The following SMAP2 variants were observed in gnomAD, a reference collection of about 807,000 sequenced individuals.
The protein encoded by SMAP2 is stromal membrane-associated protein 2.
A neutral mutation model predicts 56.4 loss-of-function variants in SMAP2; 25 were observed. That is an observed-to-expected ratio of 0.44 (90% CI 0.32 to 0.62). The LOEUF (loss-of-function observed/expected upper bound fraction) is 0.62, where lower values mean the gene tolerates loss of function less well. Ranked by LOEUF, SMAP2 falls within the 20% of genes least tolerant of loss-of-function variation. The pLI is 0.04. For synonymous variants in SMAP2, 157 were observed against 181.7 expected (o/e 0.86, Z 1.09); for missense variants, 388 against 545.6 (o/e 0.71, Z 2.88).
rs544898135 is a variant in SMAP2, at chr1:40,364,907, C to T, written c.55+2471C>T. 7 of 220,136 alleles carry T rather than the reference C, an allele frequency of 3.2e-5. No homozygotes were observed. In the East Asian group the frequency reaches 5.1e-4, roughly 16 times the overall value. The allele number at this position is 220,136 out of a possible 1,614,324, so 13.6% of individuals were successfully genotyped here. On this transcript the variant is annotated intron_variant, in intron 2 of 6. Coordinates refer to the SMAP2 transcript ENST00000435168. ...AAGCAGATCCCATGAATCCTTGGCCCAGGCCTAAATAAGGTGGGTAAGTTC... is the reference window on the plus strand; with the variant it reads ...AAGCAGATCCCATGAATCCTTGGCCTAGGCCTAAATAAGGTGGGTAAGTTC...
chr1:40,361,504 C>A (rs1254443990), intron 1 of SMAP2, among the ~76,000 whole-genome samples: 1 of 152,056 alleles, frequency 6.6e-6, no homozygotes, highest in East Asian at 1.9e-4. Context: ...AGCTTAGGTA[C>A]CAGATTGACC....
Position 40,408,658 on chromosome 1 carries a change from G to A in SMAP2, c.243G>A (p.Met81Ile), listed in dbSNP as rs888784805. Residue 81 changes from methionine to isoleucine, a missense_variant, in exon 3 of 10, where the codon ATG becomes ATA. By Grantham distance (10) the Met-to-Ile change is conservative (BLOSUM62 1). Transcript: ENST00000372718. The surrounding 1 kb of genome is among the most constrained non-coding windows in gnomAD (Gnocchi z 4.3). ...DQWTQEQIQC[M>I]QEMGNGKANR... Reference sequence around the variant, plus strand: ...TACATTCTCTTTGGTCACAGTGCATGCAAGAGATGGGAAATGGAAAGGCAA... The same window carrying A: ...TACATTCTCTTTGGTCACAGTGCATACAAGAGATGGGAAATGGAAAGGCAA... 6.2e-7 allele frequency: 1 copy of A among 1,613,434 alleles called. No individual in the cohort carries two copies. Among genetic ancestry groups the A allele is most frequent in the African/African-American group, 1.3e-5 (1 of 74,912 alleles).
intron 1 of SMAP2, among the ~76,000 whole-genome samples, chr1:40,381,364 C>T (rs1644596226): frequency 6.6e-6 from 1 of 152,098 alleles, no homozygotes; most frequent in Non-Finnish European, 1.5e-5. Flanking sequence ...GCATGGTATA[C>T]AGGGAGAAAT....
intron 1 of SMAP2, chr1:40,393,443 T>A: frequency 6.5e-7 from 1 of 1,535,482 alleles, no homozygotes; most frequent in Non-Finnish European, 8.7e-7. Context: ...GAGCAAGATT[T>A]GCACAAAAAG....
chr1:40,393,475 T>G (rs1168255368), intron 1 of SMAP2: 1 of 1,532,334 alleles, frequency 6.5e-7, no homozygotes, highest in East Asian at 2.5e-5. Flanking sequence ...ATAGAGGAAA[T>G]AGGCCCTGTA....
chr1:40,422,262 A>G lies in SMAP2; in HGVS notation c.*161A>G, dbSNP rs1645051127. On this transcript the variant is annotated 3_prime_UTR_variant, in exon 10 of 10. Coordinates refer to ENST00000372718, the MANE Select transcript of SMAP2 (RefSeq NM_022733.3). ...TGGCATCCTGCCCAGCCACTTCCCA[A>G]ACATGAAGACCTCTCTGTTGCTTTA... 3 of 916,080 alleles carry G rather than the reference A, an allele frequency of 3.3e-6. No homozygotes were observed. Among genetic ancestry groups the G allele is most frequent in the Non-Finnish European group, 4.9e-6 (3 of 614,028 alleles). The allele number at this position is 916,080 out of a possible 1,614,324, so 56.7% of individuals were successfully genotyped here. A position where few individuals can be genotyped will look rare whatever the true frequency, so the allele number is the denominator to read the frequency against.
chr1:40,360,004 C>CTTTTTTTTTTTTTTTTTTTT (rs775408458), intron 1 of SMAP2, among the ~76,000 whole-genome samples: 2 of 102,484 alleles, frequency 2.0e-5, no homozygotes, highest in African/African-American at 7.7e-5. Context: ...CTTCTTCTTT[C>CTTTTTTTTTTTTTTTTTTTT]TTTTTTTTTT....
At chr1:40,357,756 G>C (rs1312042148) in intron 1 of SMAP2, among the ~76,000 whole-genome samples, 3 of 152,080 alleles carry the variant, frequency 2.0e-5, no homozygotes, top group Middle Eastern at 6.3e-3. Flanking sequence ...ATTTGTTTCA[G>C]GGTTTTTCAT....
chr1:40,406,605 CAAT>C, intron 1 of SMAP2, 128 bp from the exon 2 acceptor site: 1 of 947,366 alleles, frequency 1.1e-6, no homozygotes, highest in Non-Finnish European at 1.6e-6. Flanking sequence ...TGAGCAGAGT[CAAT>C]AAACAGGTGG....
chr1:40,346,519 A>C (rs1644386554), intron 1 of SMAP2, among the ~76,000 whole-genome samples: 1 of 151,658 alleles, frequency 6.6e-6, no homozygotes, highest in Non-Finnish European at 1.5e-5. Context: ...ACAAGTGTGC[A>C]CAACCACACC....
chr1:40,364,274 GT>G (rs1444226410), intron 2 of SMAP2, among the ~76,000 whole-genome samples: 32 of 152,142 alleles, frequency 2.1e-4, no homozygotes, highest in African/African-American at 7.5e-4. Flanking sequence ...GTGAGTTGGG[GT>G]TTCAAAATAC....
rs1464607590 is a variant in SMAP2, at chr1:40,385,251, T to A, written c.103+11028T>A. Among the ~76,000 whole-genome samples, 1 of 152,224 alleles carries A rather than the reference T, an allele frequency of 6.6e-6. No individual in the cohort carries two copies. The highest frequency in any genetic ancestry group is 2.4e-5 in the African/African-American group (1 of 41,466). ...AGAATTTTATTATTGTTGCTTTTTT[T>A]CATTTTCAATTAATGTTAAGTGATT... On this transcript the variant is annotated intron_variant, in intron 1 of 9. Coordinates refer to ENST00000372718, the MANE Select transcript of SMAP2 (RefSeq NM_022733.3). The surrounding 1 kb of genome is among the most constrained non-coding windows in gnomAD (Gnocchi z 4.5).
chr1:40,367,892 C>A lies in SMAP2; in HGVS notation c.55+5456C>A, dbSNP rs1248335551. 5.4e-4 allele frequency among the ~76,000 whole-genome samples: 65 copies of A among 119,410 alleles called. No individual in the cohort carries two copies. In the East Asian group the frequency reaches 0.013, roughly 25 times the overall value. 78.3% of individuals were successfully genotyped at this position (119,410 alleles called of 152,430 possible). ...GAAAATAGAGACACAAAAAACCCTT[C>A]AAAAAATCAGTGAATCCAGGAGCTG... On this transcript the variant is annotated intron_variant, in intron 2 of 6. Transcript: ENST00000435168.
intron 1 of SMAP2, among the ~76,000 whole-genome samples, chr1:40,359,361 C>T (rs1265107107): frequency 6.6e-6 from 1 of 152,036 alleles, no homozygotes; most frequent in Non-Finnish European, 1.5e-5. Context: ...CCTTGGCCTC[C>T]CAAAGTGCTG....
At chr1:40,421,257 CTT>C (rs1400672183) in intron 9 of SMAP2, among the ~76,000 whole-genome samples, 1 of 152,022 alleles carries the variant, frequency 6.6e-6, no homozygotes, top group Non-Finnish European at 1.5e-5. Flanking sequence ...AGAAAAATAA[CTT>C]ATATAGAAAA....
In SMAP2 at chr1:40,414,754, A is replaced by G. The variant is rs545216738; in HGVS notation, c.571+514A>G. On this transcript the variant is annotated intron_variant, in intron 6 of 9. Transcript: ENST00000372718. The stretch of plus-strand genomic sequence containing the variant: ...CCATTCCTTTCATTTTTCAGATGCA[A>G]CCTGTTTCTGAGATGGCCTGTGGTC... Among the ~76,000 whole-genome samples the G allele has an allele frequency of 5.9e-5, 9 of 152,204 alleles. No individual in the cohort carries two copies. In the South Asian group the frequency reaches 1.7e-3, roughly 28 times the overall value.
chr1:40,417,596 A>G (rs1442304258), intron 9 of SMAP2, among the ~76,000 whole-genome samples: 1 of 152,178 alleles, frequency 6.6e-6, no homozygotes, highest in Non-Finnish European at 1.5e-5. Flanking sequence ...TCAAAGACAT[A>G]CTGAGAACAG....
In SMAP2 at chr1:40,406,686, C is replaced by T. The variant is rs1425198115; in HGVS notation, c.104-50C>T. The T allele has an allele frequency of 1.1e-5, 17 of 1,564,770 alleles. No homozygotes were observed. The South Asian group carries it at 1.3e-4, about 12-fold the overall frequency. On this transcript the variant is annotated intron_variant, in intron 1 of 9. Transcript: ENST00000372718. ...TGATAATCTAATATTGTAGTTTAGG[C>T]CTTGAATGTTGTAATTTGTACTTTA...
At chr1:40,349,723 G>A (rs1270946162) in intron 1 of SMAP2, among the ~76,000 whole-genome samples, 2 of 152,102 alleles carry the variant, frequency 1.3e-5, no homozygotes, top group Non-Finnish European at 2.9e-5. Flanking sequence ...GTTTCACCAT[G>A]TTGGCCAGGA....
Sources: gnomAD v4.1 joint callset for allele counts (sites outside exome capture counted in the v4.1 genomes callset) on GRCh38, gnomAD v4.1.1 for gene constraint, Gnocchi (gnomAD v3.1) non-coding constraint, MANE v1.5 for transcripts, NCBI Gene and HGNC (gene_info 2026-07-23, HGNC 2026-07-21) for gene names.